Variants in GIPC2 observed in about 807,000 individuals in gnomAD.
GIPC2 encodes PDZ domain-containing protein GIPC2.
Under a neutral mutation model 30.6 loss-of-function variants are expected in GIPC2, and 30 were observed. The ratio of observed to expected loss-of-function variants is 0.98; its 90% CI spans 0.73 to 1.33. The LOEUF (loss-of-function observed/expected upper bound fraction) is 1.33. GIPC2 is among the 40% of genes most tolerant of loss of function. The probability of loss-of-function intolerance (pLI) is 0.00; values close to 1 mark genes in which losing one functional copy is unlikely to be tolerated. For missense variants in GIPC2, 414 were observed against 390.3 expected (o/e 1.06, Z -0.51); for synonymous variants, 167 against 150.0 (o/e 1.11, Z -0.83).
chr1:78,083,083 C>G (rs1661862702), intron 2 of GIPC2, among the ~76,000 whole-genome samples: 1 of 137,750 alleles, frequency 7.3e-6, no homozygotes, highest in Non-Finnish European at 1.6e-5. Context: ...TTAAACTAAT[C>G]TATAGTTCAC....
chr1:78,129,694 A>T (rs1662854640), intron 5 of GIPC2, among the ~76,000 whole-genome samples: 1 of 152,188 alleles, frequency 6.6e-6, no homozygotes, highest in Non-Finnish European at 1.5e-5. Flanking sequence ...TCCATGAAAA[A>T]AATTAAGCGT....
intron 5 of GIPC2, among the ~76,000 whole-genome samples, chr1:78,130,530 T>C (rs1175119450): frequency 6.6e-6 from 1 of 152,214 alleles, no homozygotes; most frequent in Non-Finnish European, 1.5e-5. Context: ...ATTTTTGATG[T>C]TTGACTTGTG....
Position 78,137,938 on chromosome 1 carries a change from A to T in GIPC2, c.*2195A>T, listed in dbSNP as rs558473377. On this transcript the variant is annotated 3_prime_UTR_variant, in exon 6 of 6. Coordinates refer to ENST00000370759, the MANE Select transcript of GIPC2 (RefSeq NM_017655.6). ...AGTGAGACAAATCACTTTTTAAAAA[A>T]CATTCCATTTTATTGGCATCACTAG... 6.6e-6 allele frequency: 1 copy of T among 152,040 alleles called. No individual in the cohort carries two copies. Among genetic ancestry groups the T allele is most frequent in the East Asian group, 1.9e-4 (1 of 5,188 alleles). 9.4% of individuals were successfully genotyped at this position (152,040 alleles called of 1,614,324 possible). A position where few individuals can be genotyped will look rare whatever the true frequency, so the allele number is the denominator to read the frequency against.
At chr1:78,056,743 T>G (rs537510849) in intron 1 of GIPC2, among the ~76,000 whole-genome samples, 3 of 152,356 alleles carry the variant, frequency 2.0e-5, no homozygotes, top group African/African-American at 7.2e-5. Context: ...GAACCTTCCA[T>G]GTGCCCCTTC....
At chr1:78,133,360 T>C (rs912118512) in intron 5 of GIPC2, among the ~76,000 whole-genome samples, 1 of 152,178 alleles carries the variant, frequency 6.6e-6, no homozygotes, top group African/African-American at 2.4e-5. Context: ...CACCTGGGAG[T>C]TGAAAATGCA....
intron 1 of GIPC2, among the ~76,000 whole-genome samples, chr1:78,047,314 G>C (rs912351682): frequency 7.2e-5 from 11 of 152,172 alleles, no homozygotes; most frequent in Non-Finnish European, 1.3e-4. Context: ...GGCCTACAGC[G>C]GCACCTGGAG....
At chr1:78,072,183 A>G (rs1288401290) in intron 1 of GIPC2, among the ~76,000 whole-genome samples, 1 of 152,252 alleles carries the variant, frequency 6.6e-6, no homozygotes, top group Non-Finnish European at 1.5e-5. Context: ...ATGAGGTAAC[A>G]TATGAAAGTA....
chr1:78,052,839 C>T (rs932614411), intron 1 of GIPC2, among the ~76,000 whole-genome samples: 1 of 152,148 alleles, frequency 6.6e-6, no homozygotes, highest in Non-Finnish European at 1.5e-5. Flanking sequence ...CTGACACTAG[C>T]ACTGAGCTCT....
chr1:78,105,968 G>A (rs913741600), intron 3 of GIPC2, among the ~76,000 whole-genome samples: 13 of 152,096 alleles, frequency 8.5e-5, no homozygotes, highest in Admixed American at 7.9e-4. Context: ...GGGCGCGGTG[G>A]CTCATGCTTG....
chr1:78,114,087 G>T (rs1203100542), intron 3 of GIPC2, among the ~76,000 whole-genome samples: 1 of 152,276 alleles, frequency 6.6e-6, no homozygotes. Context: ...CTGTGGGAGC[G>T]GTTAGGCACC....
intron 2 of GIPC2, among the ~76,000 whole-genome samples, chr1:78,087,040 A>G (rs1455693222): frequency 1.3e-5 from 2 of 152,106 alleles, no homozygotes; most frequent in African/African-American, 2.4e-5. Context: ...ACACTGGTCT[A>G]TGTGTAAGTA....
At chr1:78,094,909 C>A (rs766215078) in intron 2 of GIPC2, 43 bp from the exon 3 acceptor site, 4 of 1,368,108 alleles carry the variant, frequency 2.9e-6, no homozygotes, top group Non-Finnish European at 4.1e-6. Context: ...GCATTCATTA[C>A]ACAGTTCTAT....
intron 1 of GIPC2, among the ~76,000 whole-genome samples, chr1:78,064,549 G>C (rs1376810419): frequency 6.6e-6 from 1 of 151,864 alleles, no homozygotes; most frequent in East Asian, 1.9e-4. Flanking sequence ...TGTGAAGTTA[G>C]AAGATGATAA....
intron 1 of GIPC2, among the ~76,000 whole-genome samples, 164 bp downstream of exon 1, chr1:78,046,498 C>A (rs1661090107): frequency 6.6e-6 from 1 of 152,214 alleles, no homozygotes; most frequent in Non-Finnish European, 1.5e-5. Context: ...AGTGTGCCTT[C>A]CCTGGAAGGG....
chr1:78,083,561 C>G (rs934161142), intron 2 of GIPC2, among the ~76,000 whole-genome samples: 1 of 152,114 alleles, frequency 6.6e-6, no homozygotes, highest in African/African-American at 2.4e-5. Flanking sequence ...AATTTAGTAT[C>G]TGTTGATGAG....
intron 4 of GIPC2, among the ~76,000 whole-genome samples, 187 bp from the exon 5 acceptor site, chr1:78,125,694 A>G (rs1288267643): frequency 5.9e-5 from 9 of 152,218 alleles, no homozygotes; most frequent in Non-Finnish European, 1.2e-4. Context: ...TAGTGCTGAC[A>G]CTAGAAATAA....
chr1:78,064,532 C>T (rs945618844), intron 1 of GIPC2, among the ~76,000 whole-genome samples: 3 of 152,034 alleles, frequency 2.0e-5, no homozygotes, highest in African/African-American at 7.3e-5. Context: ...AAGTAATTGT[C>T]CTACACTGTG....
Position 78,046,211 on chromosome 1 carries a change from A to G in GIPC2, c.117A>G (p.Ala39=), listed in dbSNP as rs1661077786. The G allele has an allele frequency of 6.3e-7, 1 of 1,595,982 alleles. No individual in the cohort carries two copies. The highest frequency in any genetic ancestry group is 1.7e-4 in the Middle Eastern group (1 of 5,824). Reference sequence around the variant, plus strand: ...GCCTCTCAGCGTCCCGGGCTCCCGCACGCAGGCTGGTCTTCCACGCGCAGC... The same window carrying G: ...GCCTCTCAGCGTCCCGGGCTCCCGCGCGCAGGCTGGTCTTCCACGCGCAGC... The part of the protein sequence containing the change: ...GGSLSASRAP[A]RRLVFHAQLA... Residue 39 remains alanine, a synonymous_variant, in exon 1 of 6, where the codon GCA becomes GCG. Coordinates refer to ENST00000370759, the MANE Select transcript of GIPC2 (RefSeq NM_017655.6).
At chr1:78,079,052 AT>A (rs925874474) in intron 1 of GIPC2, among the ~76,000 whole-genome samples, 11 of 152,208 alleles carry the variant, frequency 7.2e-5, no homozygotes, top group East Asian at 3.9e-4. Context: ...GACTTAACCG[AT>A]TTTTTTCCCC....
Sources: allele counts gnomAD v4.1 joint callset (sites outside exome capture counted in the v4.1 genomes callset), GRCh38; gene constraint gnomAD v4.1.1; transcripts MANE v1.5; gene names NCBI Gene and HGNC (gene_info 2026-07-23, HGNC 2026-07-21).